The following SLC14A2 variants were observed in gnomAD, a reference collection of about 807,000 sequenced individuals.
SLC14A2 encodes the protein solute carrier family 14 member 2.
Under a neutral mutation model 104.6 loss-of-function variants are expected in SLC14A2, and 91 were observed. The ratio of observed to expected loss-of-function variants is 0.87; its 90% confidence interval spans 0.73 to 1.04. The LOEUF (loss-of-function observed/expected upper bound fraction) is 1.04. SLC14A2 is among the 50% of genes least tolerant of loss of function. SLC14A2 has a pLI of 0.00. For missense variants in SLC14A2, 1,189 were observed against 1,156.0 expected (o/e 1.03, Z -0.41); for synonymous variants, 476 against 466.4 (o/e 1.02, Z -0.27).
intron 1 of SLC14A2, among the ~76,000 whole-genome samples, chr18:45,252,896 CT>C (rs768144812): frequency 4.0e-5 from 6 of 150,230 alleles, no homozygotes; most frequent in Non-Finnish European, 7.4e-5. Flanking sequence ...CAAAAGATGC[CT>C]GTTTCCTCCC....
chr18:45,346,184 G>A (rs550378734), intron 1 of SLC14A2, among the ~76,000 whole-genome samples: 149 of 152,110 alleles, frequency 9.8e-4, no homozygotes, highest in Non-Finnish European at 1.8e-3. Context: ...TTGAGTTGGA[G>A]TTGCTCTGGT....
intron 1 of SLC14A2, among the ~76,000 whole-genome samples, chr18:45,395,819 G>A (rs1476416588): frequency 6.6e-6 from 1 of 152,108 alleles, no homozygotes; most frequent in Non-Finnish European, 1.5e-5. Context: ...AACAGGTCAT[G>A]AGGGATGTGC....
At chr18:45,268,801 T>C (rs1446678766) in intron 1 of SLC14A2, among the ~76,000 whole-genome samples, 1 of 152,116 alleles carries the variant, frequency 6.6e-6, no homozygotes, top group Non-Finnish European at 1.5e-5. Context: ...CAGATAAGGC[T>C]GGACAGTCAA....
intron 1 of SLC14A2, among the ~76,000 whole-genome samples, chr18:45,431,166 G>A (rs1490548171): frequency 6.6e-6 from 1 of 152,156 alleles, no homozygotes; most frequent in Non-Finnish European, 1.5e-5. Flanking sequence ...TTCTCTATAT[G>A]GTATTCTTTC....
chr18:45,457,687 TA>T (rs3058359), intron 1 of SLC14A2, among the ~76,000 whole-genome samples: 108,632 of 144,304 alleles, frequency 0.75, 41,349 homozygotes, highest in South Asian at 0.92. Flanking sequence ...TTATGGAGGT[TA>T]AAAAAAAAAA....
At chr18:45,169,063 C>A in the SLC14A2 span, 1 of 152,002 alleles carries the variant, frequency 6.6e-6, no homozygotes, top group Non-Finnish European at 1.5e-5. Flanking sequence ...TATACACAAC[C>A]ATTGAAAGCA....
intron 1 of SLC14A2, among the ~76,000 whole-genome samples, chr18:45,254,931 T>C (rs557313725): frequency 2.6e-5 from 4 of 152,294 alleles, no homozygotes; most frequent in African/African-American, 7.2e-5. Flanking sequence ...CGCCCACATT[T>C]ACTCCGATTG....
intron 7 of SLC14A2, 105 bp downstream of exon 7, chr18:45,639,998 A>G: frequency 8.8e-7 from 1 of 1,138,906 alleles, no homozygotes; most frequent in Non-Finnish European, 1.2e-6. Context: ...CTGCAGTTTT[A>G]AATACTTTCA....
chr18:45,661,992 G>A (rs996846284), intron 10 of SLC14A2, among the ~76,000 whole-genome samples: 1 of 152,194 alleles, frequency 6.6e-6, no homozygotes, highest in African/African-American at 2.4e-5. Context: ...ACGATCAGGT[G>A]TGTAAACTTT....
intron 2 of SLC14A2, among the ~76,000 whole-genome samples, chr18:45,497,666 A>G (rs1306957493): frequency 6.6e-6 from 1 of 152,202 alleles, no homozygotes; most frequent in East Asian, 1.9e-4. Context: ...AGAGACAAAG[A>G]ACAACCAGTA....
chr18:45,554,801 A>G (rs1186861347), intron 2 of SLC14A2, among the ~76,000 whole-genome samples: 1 of 152,192 alleles, frequency 6.6e-6, no homozygotes, highest in East Asian at 1.9e-4. Context: ...ATATGCTGCT[A>G]CTTTAGGGAA....
intron 1 of SLC14A2, among the ~76,000 whole-genome samples, chr18:45,472,337 A>G (rs1430846821): frequency 6.6e-6 from 1 of 152,204 alleles, no homozygotes; most frequent in Non-Finnish European, 1.5e-5. Flanking sequence ...CAGTAAATAC[A>G]CGTATGCATA....
intron 1 of SLC14A2, among the ~76,000 whole-genome samples, chr18:45,358,758 T>C (rs1225151388): frequency 6.6e-6 from 1 of 152,158 alleles, no homozygotes; most frequent in Non-Finnish European, 1.5e-5. Flanking sequence ...TTCGTATTTT[T>C]TTTGCAAAGA....
At chr18:45,417,606 C>T (rs994762840) in intron 1 of SLC14A2, among the ~76,000 whole-genome samples, 8 of 152,062 alleles carry the variant, frequency 5.3e-5, no homozygotes, top group African/African-American at 1.2e-4. Context: ...GAACCGCCCC[C>T]AATTCAATTA....
intron 1 of SLC14A2, among the ~76,000 whole-genome samples, chr18:45,396,727 T>G (rs1253991640): frequency 6.6e-6 from 1 of 151,034 alleles, no homozygotes; most frequent in Non-Finnish European, 1.5e-5. Flanking sequence ...ATAGGTAACC[T>G]CGTGTCATGG....
Position 45,566,581 on chromosome 18 carries a change from A to G in SLC14A2, c.-34-58050A>G, listed in dbSNP as rs569439952. Among the ~76,000 whole-genome samples the G allele has an allele frequency of 1.9e-4, 29 of 151,990 alleles. 1 individual carries two copies. The South Asian group carries it at 5.2e-3, about 27-fold the overall frequency. ...ATCACTGCTCACCCCAGCCTTCCCAACTCAGCCCAAATTCCTTCCTTGTGA... is the reference window on the plus strand; with the variant it reads ...ATCACTGCTCACCCCAGCCTTCCCAGCTCAGCCCAAATTCCTTCCTTGTGA... On this transcript the variant is annotated intron_variant, in intron 2 of 20. Coordinates refer to the SLC14A2 transcript ENST00000586448.
chr18:45,306,136 G>A (rs1397240672), intron 1 of SLC14A2, among the ~76,000 whole-genome samples: 1 of 152,104 alleles, frequency 6.6e-6, no homozygotes, highest in Admixed American at 6.5e-5. Context: ...CCCATTATGA[G>A]ATATTGGGCA....
chr18:45,515,438 A>C (rs534911485), intron 2 of SLC14A2: 1 of 152,344 alleles, frequency 6.6e-6, no homozygotes, highest in East Asian at 1.9e-4. Context: ...TTTCTCATTA[A>C]GTAGACTGCG....
chr18:45,499,345 G>T lies in SLC14A2; in HGVS notation c.-35+16023G>T, dbSNP rs149606099. 8.5e-5 allele frequency among the ~76,000 whole-genome samples: 13 copies of T among 152,318 alleles called. No homozygotes were observed. In the East Asian group the frequency reaches 2.5e-3, roughly 29 times the overall value. Reference sequence around the variant, plus strand: ...TGTTTTTACAAAATGTAACTATGATGTCATGTGGCTGATCCACACTACACT... The same window carrying T: ...TGTTTTTACAAAATGTAACTATGATTTCATGTGGCTGATCCACACTACACT... On this transcript the variant is annotated intron_variant, in intron 2 of 20. Coordinates refer to the SLC14A2 transcript ENST00000586448.
Sources: gnomAD v4.1 joint callset for allele counts (sites outside exome capture counted in the v4.1 genomes callset) on GRCh38, gnomAD v4.1.1 for gene constraint, MANE v1.5 for transcripts, NCBI Gene and HGNC (gene_info 2026-07-23, HGNC 2026-07-21) for gene names.